The following CLSTN2 variants were observed in gnomAD, a reference collection of about 807,000 sequenced individuals.
CLSTN2 encodes the protein calsyntenin-2.
In CLSTN2, 48 loss-of-function variants were observed where a neutral mutation model predicts 101.2. The observed-to-expected ratio is 0.47, with a 90% CI of 0.38 to 0.60. The LOEUF (loss-of-function observed/expected upper bound fraction) is 0.60, where lower values mean the gene tolerates loss of function less well. Ranked by LOEUF, CLSTN2 falls within the 20% of genes least tolerant of loss-of-function variation. The pLI is 0.00. For synonymous variants in CLSTN2, 481 were observed against 463.6 expected (o/e 1.04, Z -0.48); for missense variants, 1,160 against 1,238.2 (o/e 0.94, Z 0.95).
chr3:140,095,570 C>T (rs147539359), intron 1 of CLSTN2, among the ~76,000 whole-genome samples: 4 of 152,328 alleles, frequency 2.6e-5, no homozygotes, highest in African/African-American at 9.6e-5. Context: ...CATTTTCTAT[C>T]CTACATAATA....
chr3:140,329,708 G>A (rs2087363607), intron 2 of CLSTN2, among the ~76,000 whole-genome samples: 1 of 152,166 alleles, frequency 6.6e-6, no homozygotes, highest in Non-Finnish European at 1.5e-5. Flanking sequence ...CTGATCAATG[G>A]TCTCTCATCT....
intron 2 of CLSTN2, among the ~76,000 whole-genome samples, chr3:140,339,086 C>T (rs1259107633): frequency 1.3e-5 from 2 of 152,328 alleles, no homozygotes; most frequent in East Asian, 3.9e-4. Flanking sequence ...GCCACACCAT[C>T]TGCTCCTTGG....
chr3:140,182,716 C>G (rs1390727697), intron 2 of CLSTN2, among the ~76,000 whole-genome samples: 1 of 152,206 alleles, frequency 6.6e-6, no homozygotes, highest in East Asian at 1.9e-4. Context: ...AATCCACCAT[C>G]TGGGCTACTG....
At chr3:140,018,748 G>A (rs533126591) in intron 1 of CLSTN2, among the ~76,000 whole-genome samples, 24 of 152,254 alleles carry the variant, frequency 1.6e-4, no homozygotes, top group African/African-American at 5.8e-4. Context: ...TTCCAAACGA[G>A]GGAGGGATCT....
chr3:140,549,606 T>G (rs542282532), intron 10 of CLSTN2, among the ~76,000 whole-genome samples: 5 of 150,730 alleles, frequency 3.3e-5, no homozygotes, highest in African/African-American at 1.2e-4. Flanking sequence ...CTAAGGGGAC[T>G]GGGGCTCAGG....
At chr3:140,558,476 TATA>T (rs1024746129) in intron 11 of CLSTN2, among the ~76,000 whole-genome samples, 161 bp from the exon 12 acceptor site, 3 of 152,206 alleles carry the variant, frequency 2.0e-5, no homozygotes, top group Admixed American at 6.5e-5. Context: ...TGGTTTTGAT[TATA>T]ATGTGGCTTT....
chr3:140,053,153 A>G lies in CLSTN2; in HGVS notation c.109+117670A>G, dbSNP rs1041101689. On this transcript the variant is annotated intron_variant, in intron 1 of 16. Coordinates refer to ENST00000458420, the MANE Select transcript of CLSTN2 (RefSeq NM_022131.3). ...ACAAGCATCCTCCTGCCTGAGGGCC[A>G]CTCCTCACAGTCAGCAGCCTCTGCT... Among the ~76,000 whole-genome samples the G allele has an allele frequency of 2.0e-5, 3 of 151,736 alleles. No individual in the cohort carries two copies. In the East Asian group the frequency reaches 5.8e-4, roughly 30 times the overall value.
chr3:140,402,233 G>T (rs1212122712), intron 2 of CLSTN2, among the ~76,000 whole-genome samples: 1 of 152,160 alleles, frequency 6.6e-6, no homozygotes, highest in Non-Finnish European at 1.5e-5. Context: ...TTGGAATGTA[G>T]AGAGTTTCTC....
At chr3:140,220,943 T>C (rs1396919275) in intron 2 of CLSTN2, among the ~76,000 whole-genome samples, 1 of 152,226 alleles carries the variant, frequency 6.6e-6, no homozygotes, top group African/African-American at 2.4e-5. Flanking sequence ...TGTATTAATA[T>C]ATACTGCAAC....
chr3:139,967,968 C>A (rs28397957), intron 1 of CLSTN2, among the ~76,000 whole-genome samples: 3 of 152,032 alleles, frequency 2.0e-5, no homozygotes, highest in Admixed American at 2.0e-4. Context: ...TAGTCTCATA[C>A]AGACACATAT....
At chr3:140,452,629 G>A (rs1933279160) in intron 6 of CLSTN2, 1 of 152,294 alleles carries the variant, frequency 6.6e-6, no homozygotes, top group South Asian at 2.1e-4. Context: ...TGGGGAGCTG[G>A]ACAGTAGCTG....
intron 1 of CLSTN2, among the ~76,000 whole-genome samples, chr3:139,958,682 G>A (rs529199544): frequency 6.6e-6 from 1 of 151,616 alleles, no homozygotes. Flanking sequence ...CTGTAGACTC[G>A]GGATTTGACG....
chr3:139,955,244 C>G (rs912717355), intron 1 of CLSTN2, among the ~76,000 whole-genome samples: 3 of 150,694 alleles, frequency 2.0e-5, no homozygotes, highest in African/African-American at 7.3e-5. Flanking sequence ...TGAATCCTCA[C>G]AATGCCACTG....
intron 1 of CLSTN2, among the ~76,000 whole-genome samples, chr3:139,936,065 C>A (rs1260161478): frequency 6.6e-6 from 1 of 152,160 alleles, no homozygotes; most frequent in Non-Finnish European, 1.5e-5. Context: ...ATGTGAGGCT[C>A]CCCGCTGCCT....
chr3:140,225,604 T>A (rs2086311747), intron 2 of CLSTN2, among the ~76,000 whole-genome samples: 1 of 152,142 alleles, frequency 6.6e-6, no homozygotes, highest in African/African-American at 2.4e-5. Context: ...TTCAAGTGAT[T>A]CTTCTGCCTC....
intron 1 of CLSTN2, among the ~76,000 whole-genome samples, chr3:140,142,957 C>G (rs1049069033): frequency 3.3e-5 from 5 of 152,154 alleles, no homozygotes; most frequent in Non-Finnish European, 7.3e-5. Context: ...TCAACTTGGA[C>G]TTGAAGCACC....
At chr3:139,967,365 C>T (rs768055467) in intron 1 of CLSTN2, among the ~76,000 whole-genome samples, 26 of 152,300 alleles carry the variant, frequency 1.7e-4, no homozygotes, top group Admixed American at 9.8e-4. Context: ...GAACTGGCTG[C>T]GCTTCTATCA....
At chr3:140,137,524 G>A (rs1303253174) in intron 1 of CLSTN2, among the ~76,000 whole-genome samples, 1 of 152,102 alleles carries the variant, frequency 6.6e-6, no homozygotes, top group Non-Finnish European at 1.5e-5. Context: ...AGTCATGAAT[G>A]TCTTCATCCT....
intron 1 of CLSTN2, among the ~76,000 whole-genome samples, chr3:139,982,574 A>G (rs1274952299): frequency 1.3e-5 from 2 of 152,224 alleles, no homozygotes; most frequent in African/African-American, 2.4e-5. Flanking sequence ...AAAGCGATGT[A>G]TGGCAACTCT....
Sources: allele counts gnomAD v4.1 joint callset (sites outside exome capture counted in the v4.1 genomes callset), GRCh38; gene constraint gnomAD v4.1.1; transcripts MANE v1.5; gene names NCBI Gene and HGNC (gene_info 2026-07-23, HGNC 2026-07-21).